CBLN2: variants seen among roughly 807,000 people sequenced by gnomAD.
CBLN2 encodes cerebellin-2.
In CBLN2, 7 loss-of-function variants were observed where a neutral mutation model predicts 15.0. The observed-to-expected ratio is 0.47, with a 90% CI of 0.27 to 0.88. The LOEUF (loss-of-function observed/expected upper bound fraction) is 0.88. Ranked by LOEUF, CBLN2 falls within the 40% of genes least tolerant of loss-of-function variation. CBLN2 has a pLI of 0.14. For synonymous variants in CBLN2, 149 were observed against 135.2 expected (o/e 1.10, Z -0.71); for missense variants, 242 against 304.5 (o/e 0.79, Z 1.53).
chr18:72,562,367 A>T (rs1428399501), intron 1 of CBLN2, among the ~76,000 whole-genome samples: 1 of 152,220 alleles, frequency 6.6e-6, no homozygotes, highest in African/African-American at 2.4e-5. Flanking sequence ...AAAAGAGGAT[A>T]AAGTATATCT....
At chr18:72,591,665 T>C (rs2144931000) in intron 1 of CBLN2, among the ~76,000 whole-genome samples, 1 of 152,288 alleles carries the variant, frequency 6.6e-6, no homozygotes, top group Middle Eastern at 3.4e-3. Flanking sequence ...TCCCAGCCTT[T>C]GGTAACCATC....
intron 1 of CBLN2, among the ~76,000 whole-genome samples, chr18:72,634,564 G>T (rs1446336180): frequency 6.6e-6 from 1 of 152,060 alleles, no homozygotes; most frequent in Non-Finnish European, 1.5e-5. Flanking sequence ...TGTGATGGAC[G>T]TGCAGATAAG....
chr18:72,578,721 T>C (rs2069384233), intron 1 of CBLN2, among the ~76,000 whole-genome samples: 1 of 152,258 alleles, frequency 6.6e-6, no homozygotes, highest in Admixed American at 6.5e-5. Context: ...TCTCAATCCA[T>C]TGATTTTTCA....
At chr18:72,634,713 T>C (rs2069800776) in intron 1 of CBLN2, among the ~76,000 whole-genome samples, 1 of 152,216 alleles carries the variant, frequency 6.6e-6, no homozygotes, top group Admixed American at 6.5e-5. Context: ...GAGATATTTC[T>C]ACAAAGTAAT....
chr18:72,610,058 C>G lies in CBLN2; in HGVS notation c.15+28267G>C, dbSNP rs367929154. On this transcript the variant is annotated intron_variant, in intron 1 of 2. Coordinates refer to the CBLN2 transcript ENST00000581073. ...GGTTGTCAACCCAGGGCCACCCACACTTTTGCAGGCTGAAATAGGACACAC... is the reference window on the plus strand; with the variant it reads ...GGTTGTCAACCCAGGGCCACCCACAGTTTTGCAGGCTGAAATAGGACACAC... Among the ~76,000 whole-genome samples the G allele has an allele frequency of 7.6e-4, 116 of 152,312 alleles. 2 individuals carry two copies. In the South Asian group the frequency reaches 0.023, roughly 30 times the overall value.
intron 1 of CBLN2, among the ~76,000 whole-genome samples, chr18:72,587,203 T>C (rs896711711): frequency 6.6e-6 from 1 of 152,064 alleles, no homozygotes; most frequent in African/African-American, 2.4e-5. Flanking sequence ...GTGGTGATAT[T>C]TTCAAGATAA....
At chr18:72,589,165 C>T (rs1403835075) in intron 1 of CBLN2, among the ~76,000 whole-genome samples, 1 of 151,968 alleles carries the variant, frequency 6.6e-6, no homozygotes, top group Non-Finnish European at 1.5e-5. Flanking sequence ...GGATGGCCAA[C>T]GGCAGCCACA....
At chr18:72,541,732 C>T in intron 3 of CBLN2, 72 bp downstream of exon 3, 1 of 1,303,404 alleles carries the variant, frequency 7.7e-7, no homozygotes, top group Non-Finnish European at 1.0e-6. Flanking sequence ...GAAGCCTGAA[C>T]CCCAGCCCGC....
intron 1 of CBLN2, among the ~76,000 whole-genome samples, chr18:72,573,389 A>T (rs992198434): frequency 1.3e-5 from 2 of 152,224 alleles, no homozygotes; most frequent in African/African-American, 4.8e-5. Flanking sequence ...CACACAGAAT[A>T]GTTCCATTTC....
At chr18:72,596,709 G>A (rs1484920735) in intron 1 of CBLN2, among the ~76,000 whole-genome samples, 8 of 152,130 alleles carry the variant, frequency 5.3e-5, no homozygotes, top group Non-Finnish European at 8.8e-5. Flanking sequence ...AATAAAAGTT[G>A]TTTTCTTTCA....
At chr18:72,602,466 T>C (rs1224615934) in intron 1 of CBLN2, among the ~76,000 whole-genome samples, 2 of 152,292 alleles carry the variant, frequency 1.3e-5, no homozygotes, top group East Asian at 1.9e-4. Context: ...TAATTTTTAC[T>C]GAGGCCTCTT....
chr18:72,590,979 C>A (rs2144930209), intron 1 of CBLN2, among the ~76,000 whole-genome samples: 1 of 152,286 alleles, frequency 6.6e-6, no homozygotes, highest in African/African-American at 2.4e-5. Context: ...GTCTTTGGGG[C>A]ATTGCCGAAG....
chr18:72,633,953 G>A (rs1316670446), intron 1 of CBLN2, among the ~76,000 whole-genome samples: 2 of 151,922 alleles, frequency 1.3e-5, no homozygotes, highest in African/African-American at 2.4e-5. Context: ...CTCTTAAAGA[G>A]CAATCACACA....
intron 1 of CBLN2, among the ~76,000 whole-genome samples, chr18:72,578,837 C>T (rs563247322): frequency 5.3e-5 from 8 of 152,272 alleles, no homozygotes; most frequent in South Asian, 4.1e-4. Context: ...TTCAGTTGCA[C>T]GGCATAAAGT....
At chr18:72,540,631 C>T (rs1415403862) in intron 3 of CBLN2, among the ~76,000 whole-genome samples, 2 of 152,024 alleles carry the variant, frequency 1.3e-5, no homozygotes, top group African/African-American at 4.8e-5. Flanking sequence ...AATAATTTTA[C>T]ATTTTGTAAA....
chr18:72,552,546 A>T (rs1362249989), intron 1 of CBLN2: 1 of 152,216 alleles, frequency 6.6e-6, no homozygotes, highest in African/African-American at 2.4e-5. Flanking sequence ...AATCTTGGTA[A>T]CAGAAAAATA....
chr18:72,628,549 A>T (rs927915746), intron 1 of CBLN2, among the ~76,000 whole-genome samples: 4 of 152,184 alleles, frequency 2.6e-5, no homozygotes, highest in African/African-American at 9.6e-5. Flanking sequence ...CCCACCTCAC[A>T]GTAATCAGGT....
chr18:72,579,894 G>A (rs1420077875), intron 1 of CBLN2, among the ~76,000 whole-genome samples: 1 of 151,982 alleles, frequency 6.6e-6, no homozygotes, highest in Non-Finnish European at 1.5e-5. Context: ...TAGTCATTTA[G>A]TCTCTGAGTC....
rs1434998060 is a variant in CBLN2 at position 72,606,333 on chromosome 18, A to G, written c.15+31992T>C. Among the ~76,000 whole-genome samples, 3 of 152,194 alleles carry G rather than the reference A, an allele frequency of 2.0e-5. No individual in the cohort carries two copies. In the East Asian group the frequency reaches 5.8e-4, roughly 29 times the overall value. The stretch of plus-strand genomic sequence containing the variant: ...TTTTCCACTAATGTAGAACAGGTTA[A>G]TGACAGATTGGCATATTAACCAATA... On this transcript the variant is annotated intron_variant, in intron 1 of 2. Transcript: ENST00000581073.
Sources: gnomAD v4.1 joint callset for allele counts (sites outside exome capture counted in the v4.1 genomes callset) on GRCh38, gnomAD v4.1.1 for gene constraint, MANE v1.5 for transcripts, NCBI Gene and HGNC (gene_info 2026-07-23, HGNC 2026-07-21) for gene names.